The following EYA2 variants were observed in gnomAD, a reference collection of about 807,000 sequenced individuals.
EYA2 encodes the protein EYA transcriptional coactivator and phosphatase 2, also known as protein phosphatase EYA2.
EYA2 carries 31 observed loss-of-function variants against 69.2 expected under a neutral mutation model. The ratio of observed to expected loss-of-function variants is 0.45; its 90% confidence interval spans 0.34 to 0.60. The LOEUF (loss-of-function observed/expected upper bound fraction) is 0.60, where lower values mean the gene tolerates loss of function less well. EYA2 is among the 20% of genes least tolerant of loss of function. The pLI is 0.02. For missense variants in EYA2, 622 were observed against 701.2 expected, an observed-to-expected ratio of 0.89 and a Z score of 1.28; for synonymous variants, 257 against 279.4, an observed-to-expected ratio of 0.92 and a Z score of 0.80.
At chr20:47,075,026 G>C (rs146474921) in intron 7 of EYA2, among the ~76,000 whole-genome samples, 1 of 152,328 alleles carries the variant, frequency 6.6e-6, no homozygotes, top group African/African-American at 2.4e-5. Context: ...TAGGAGAATC[G>C]CTTGAACCTG....
At chr20:46,922,920 G>GCAT (rs1985243848) in intron 1 of EYA2, among the ~76,000 whole-genome samples, 1 of 152,192 alleles carries the variant, frequency 6.6e-6, no homozygotes, top group African/African-American at 2.4e-5. Context: ...GAAGGACGCA[G>GCAT]CATCACCCAT....
intron 11 of EYA2, among the ~76,000 whole-genome samples, chr20:47,170,759 CA>C (rs1387965654): frequency 2.6e-5 from 4 of 152,140 alleles, no homozygotes; most frequent in Non-Finnish European, 5.9e-5. Flanking sequence ...TGTGCTCATC[CA>C]AAATTACCAC....
intron 1 of EYA2, among the ~76,000 whole-genome samples, chr20:46,941,523 T>C (rs1009742145): frequency 3.9e-5 from 6 of 152,214 alleles, no homozygotes; most frequent in Non-Finnish European, 8.8e-5. Context: ...GTAAAGTGCC[T>C]GGACTTCAGT....
intron 9 of EYA2, among the ~76,000 whole-genome samples, chr20:47,130,455 C>T (rs908858058): frequency 9.2e-5 from 14 of 151,672 alleles, no homozygotes; most frequent in Middle Eastern, 3.4e-3. Context: ...TTAGTAGAGG[C>T]AGGGTTTCAC....
chr20:47,125,257 G>C (rs1416894915), intron 9 of EYA2, among the ~76,000 whole-genome samples: 1 of 151,746 alleles, frequency 6.6e-6, no homozygotes, highest in African/African-American at 2.4e-5. Flanking sequence ...GGGTTTCACT[G>C]TATTAGCCAG....
At chr20:46,986,301 A>G (rs1021096647) in intron 1 of EYA2, among the ~76,000 whole-genome samples, 3 of 131,946 alleles carry the variant, frequency 2.3e-5, no homozygotes, top group Non-Finnish European at 5.1e-5. Context: ...TATCTAATGT[A>G]TATATTATAT....
intron 9 of EYA2, among the ~76,000 whole-genome samples, chr20:47,132,380 T>C (rs2033363551): frequency 6.6e-6 from 1 of 152,232 alleles, no homozygotes; most frequent in Non-Finnish European, 1.5e-5. Flanking sequence ...AATAACAGGT[T>C]AAACTATCGC....
At chr20:47,105,300 C>T (rs1844161538) in intron 9 of EYA2, among the ~76,000 whole-genome samples, 1 of 152,228 alleles carries the variant, frequency 6.6e-6, no homozygotes, top group African/African-American at 2.4e-5. Flanking sequence ...ATGCCCATCT[C>T]CCCATTTTCT....
At chr20:47,046,159 C>A (rs2030025234) in intron 5 of EYA2, among the ~76,000 whole-genome samples, 1 of 152,152 alleles carries the variant, frequency 6.6e-6, no homozygotes, top group Non-Finnish European at 1.5e-5. Context: ...TTGTTGTGTC[C>A]TTACATGGCA....
intron 5 of EYA2, among the ~76,000 whole-genome samples, chr20:47,044,936 A>T (rs573817710): frequency 2.2e-4 from 33 of 152,250 alleles, no homozygotes; most frequent in African/African-American, 7.9e-4. Flanking sequence ...ATCATCATGT[A>T]CCTAATTACA....
intron 9 of EYA2, among the ~76,000 whole-genome samples, chr20:47,141,778 A>G (rs2033602097): frequency 6.6e-6 from 1 of 152,354 alleles, no homozygotes. Flanking sequence ...ACTGGCTCCT[A>G]AAAACTTCTG....
chr20:47,097,111 G>A lies in EYA2; in HGVS notation c.831G>A (p.Glu277=). 1.2e-6 allele frequency: 2 copies of A among 1,610,864 alleles called. No homozygotes were observed. The highest frequency in any genetic ancestry group is 1.7e-6 in the Non-Finnish European group (2 of 1,178,946). The change falls in exon 9 of 16, where the codon GAG becomes GAA. Residue 277 remains glutamate, a synonymous_variant. Transcript: ENST00000327619. ...GTGTGTTCGTGTGGGACTTGGATGAGACAATAATTATTTTTCACTCCTTAC... is the reference window on the plus strand; with the variant it reads ...GTGTGTTCGTGTGGGACTTGGATGAAACAATAATTATTTTTCACTCCTTAC... The part of the protein sequence containing the change: ...IERVFVWDLD[E]TIIIFHSLLT...
At position 47,074,166 on chromosome 20, in the gene EYA2, T is replaced by C; in HGVS notation, c.492T>C (p.Pro164=). The C allele has an allele frequency of 6.2e-7, 1 of 1,611,502 alleles. No homozygotes were observed. Among genetic ancestry groups the C allele is most frequent in the Non-Finnish European group, 8.5e-7 (1 of 1,178,248 alleles). Reference sequence around the variant, plus strand: ...TGTTTTTCTCTTCCCAGGACTATCCTTCCTACCCCGGCTTCCCCCAGAGCC... The same window carrying C: ...TGTTTTTCTCTTCCCAGGACTATCCCTCCTACCCCGGCTTCCCCCAGAGCC... The part of the protein sequence containing the change: ...AGFGSVHQDY[P]SYPGFPQSQY... The change falls in exon 7 of 16, where the codon CCT becomes CCC. Residue 164 remains proline (P), a synonymous_variant. Coordinates refer to ENST00000327619, the MANE Select transcript of EYA2 (RefSeq NM_005244.5).
intron 1 of EYA2, chr20:46,901,137 A>T (rs1984083063): frequency 1.3e-5 from 2 of 152,204 alleles, no homozygotes; most frequent in Non-Finnish European, 2.9e-5. Flanking sequence ...GGAGATAGGA[A>T]GGCTGAAATT....
chr20:47,172,006 G>A (rs34584357), intron 11 of EYA2, among the ~76,000 whole-genome samples: 2,712 of 152,068 alleles, frequency 0.018, 115 homozygotes, highest in East Asian at 0.17. Context: ...GGCTGAGGCA[G>A]GAGAATCACT....
intron 5 of EYA2, among the ~76,000 whole-genome samples, chr20:47,022,383 G>A (rs540264872): frequency 3.0e-4 from 45 of 152,166 alleles, no homozygotes; most frequent in Admixed American, 2.6e-3. Flanking sequence ...GCATGATCTC[G>A]GCTTACTGCA....
chr20:47,156,127 C>CACACACACAT (rs2033938167), intron 10 of EYA2, among the ~76,000 whole-genome samples: 1 of 14,666 alleles, frequency 6.8e-5, no homozygotes, highest in Non-Finnish European at 1.2e-4. Context: ...CACACACACA[C>CACACACACAT]ATATATATAT....
intron 10 of EYA2, among the ~76,000 whole-genome samples, chr20:47,156,660 A>G (rs932782544): frequency 3.9e-5 from 6 of 151,956 alleles, no homozygotes; most frequent in Non-Finnish European, 7.3e-5. Flanking sequence ...ATCCTGCCCA[A>G]TGGTCATTAA....
chr20:47,111,939 G>A (rs891873240), intron 9 of EYA2, among the ~76,000 whole-genome samples: 1 of 152,046 alleles, frequency 6.6e-6, no homozygotes, highest in Non-Finnish European at 1.5e-5. Flanking sequence ...AGACTAGCCT[G>A]GGCAAAACAG....
Sources: gnomAD v4.1 joint callset for allele counts (sites outside exome capture counted in the v4.1 genomes callset) on GRCh38, gnomAD v4.1.1 for gene constraint, MANE v1.5 for transcripts, NCBI Gene and HGNC (gene_info 2026-07-23, HGNC 2026-07-21) for gene names.